Variants in ITGA9 observed in about 807,000 individuals in gnomAD.
ITGA9 encodes integrin subunit alpha 9.
Under a neutral mutation model 127.8 loss-of-function variants are expected in ITGA9, and 56 were observed. That is an observed-to-expected ratio of 0.44 (90% CI 0.35 to 0.55). The LOEUF is 0.55. Ranked by LOEUF, ITGA9 falls within the 20% of genes least tolerant of loss-of-function variation. The probability of loss-of-function intolerance (pLI) is 0.00; values close to 1 mark genes in which losing one functional copy is unlikely to be tolerated. For missense variants in ITGA9, 1,196 were observed against 1,347.1 expected (o/e 0.89, Z 1.76); for synonymous variants, 508 against 514.5 (o/e 0.99, Z 0.17).
At chr3:37,474,409 T>G (rs568280621) in intron 3 of ITGA9, among the ~76,000 whole-genome samples, 5 of 152,366 alleles carry the variant, frequency 3.3e-5, no homozygotes, top group African/African-American at 1.2e-4. Context: ...ACAGAAAGTT[T>G]TATTAGACTC....
At chr3:37,644,432 G>T (rs529539835) in intron 16 of ITGA9, among the ~76,000 whole-genome samples, 91 of 152,278 alleles carry the variant, frequency 6.0e-4, no homozygotes, top group Middle Eastern at 6.8e-3. Context: ...CAATGGAGGG[G>T]TGGGGAAGTT....
chr3:37,787,411 T>C (rs552875727), intron 26 of ITGA9, among the ~76,000 whole-genome samples: 2 of 152,264 alleles, frequency 1.3e-5, no homozygotes, highest in South Asian at 2.1e-4. Context: ...AAATACCACT[T>C]CCATTAATTA....
chr3:37,541,032 C>T (rs1327873061), intron 14 of ITGA9, among the ~76,000 whole-genome samples: 4 of 152,252 alleles, frequency 2.6e-5, no homozygotes, highest in East Asian at 1.9e-4. Flanking sequence ...ATCAAAAATA[C>T]GCCCTGTGGC....
chr3:37,729,557 T>C (rs1696260515), intron 18 of ITGA9, among the ~76,000 whole-genome samples: 1 of 152,204 alleles, frequency 6.6e-6, no homozygotes, highest in Admixed American at 6.5e-5. Context: ...TGAGCAGCTT[T>C]TGAATGATCA....
At chr3:37,492,957 G>T (rs1698687748) in intron 4 of ITGA9, among the ~76,000 whole-genome samples, 1 of 152,138 alleles carries the variant, frequency 6.6e-6, no homozygotes, top group Non-Finnish European at 1.5e-5. Flanking sequence ...TCATTGCTTT[G>T]CACTAGTCTC....
chr3:37,457,733 CG>C (rs1358381095), intron 1 of ITGA9, among the ~76,000 whole-genome samples: 13 of 152,214 alleles, frequency 8.5e-5, no homozygotes, highest in African/African-American at 3.1e-4. Context: ...AGCATCTTCT[CG>C]GGGTTTCTGG....
intron 15 of ITGA9, among the ~76,000 whole-genome samples, chr3:37,581,357 A>G (rs1158800446): frequency 6.6e-6 from 1 of 152,112 alleles, no homozygotes; most frequent in Non-Finnish European, 1.5e-5. Flanking sequence ...AGAACACTCA[A>G]ACATGGATCT....
intron 15 of ITGA9, among the ~76,000 whole-genome samples, chr3:37,567,097 C>T (rs1031795317): frequency 1.3e-5 from 2 of 152,156 alleles, no homozygotes; most frequent in African/African-American, 2.4e-5. Flanking sequence ...AAGACATACC[C>T]GAGATTGGGT....
chr3:37,532,062 TATTTCTAGTATCCTATAAGG>T (rs1699157844), intron 13 of ITGA9, among the ~76,000 whole-genome samples: 1 of 152,330 alleles, frequency 6.6e-6, no homozygotes, highest in South Asian at 2.1e-4. Flanking sequence ...CTTTCCGATT[TATTTCTAGTATCCTATAAGG>T]ATGAACCCAG....
intron 17 of ITGA9, among the ~76,000 whole-genome samples, chr3:37,675,734 TAAAAACTAC>T (rs1291997034): frequency 3.4e-5 from 5 of 148,804 alleles, no homozygotes; most frequent in African/African-American, 1.3e-4. Flanking sequence ...GATCAATTTT[TAAAAACTAC>T]TTTTTTTTTT....
At chr3:37,602,824 G>A (rs989398570) in intron 15 of ITGA9, among the ~76,000 whole-genome samples, 63 of 152,134 alleles carry the variant, frequency 4.1e-4, no homozygotes, top group Non-Finnish European at 6.6e-4. Context: ...TGCTAAGGAG[G>A]AAACTGAGGT....
chr3:37,750,396 G>A, intron 22 of ITGA9, 66 bp from the exon 23 acceptor site: 1 of 928,522 alleles, frequency 1.1e-6, no homozygotes, highest in South Asian at 1.3e-5. Context: ...AATATATATT[G>A]CATGACAGGA....
intron 18 of ITGA9, among the ~76,000 whole-genome samples, chr3:37,721,866 C>T (rs1559578501): frequency 6.6e-6 from 1 of 152,216 alleles, no homozygotes. Flanking sequence ...ACCTTTTCTG[C>T]TCATTGTTGC....
At position 37,821,387 on chromosome 3, in the gene ITGA9, A is replaced by T. The variant is rs1316619029; in HGVS notation, c.*2398A>T. On this transcript the variant is annotated 3_prime_UTR_variant, in exon 28 of 28. Transcript: ENST00000264741. The stretch of plus-strand genomic sequence containing the variant: ...GCAAGGTGCTGGAGGTTCCCCAGAG[A>T]ACACTTCAGGGACATTTTGCCTCAG... 2 of 152,122 alleles carry T rather than the reference A, an allele frequency of 1.3e-5. No individual in the cohort carries two copies. Among genetic ancestry groups the T allele is most frequent in the Non-Finnish European group, 2.9e-5 (2 of 68,024 alleles). 9.4% of individuals were successfully genotyped at this position (152,122 alleles called of 1,614,324 possible).
intron 20 of ITGA9, among the ~76,000 whole-genome samples, chr3:37,740,693 T>C (rs1696422520): frequency 6.6e-6 from 1 of 152,210 alleles, no homozygotes; most frequent in Non-Finnish European, 1.5e-5. Context: ...CTCTGAGGTC[T>C]CAGTGAGGCC....
At chr3:37,574,819 G>C (rs1317569662) in intron 15 of ITGA9, among the ~76,000 whole-genome samples, 1 of 152,150 alleles carries the variant, frequency 6.6e-6, no homozygotes, top group African/African-American at 2.4e-5. Flanking sequence ...GTGAAGGTCT[G>C]AGGTCACACT....
At chr3:37,522,338 A>G (rs1402619880) in intron 11 of ITGA9, among the ~76,000 whole-genome samples, 1 of 152,146 alleles carries the variant, frequency 6.6e-6, no homozygotes, top group Non-Finnish European at 1.5e-5. Context: ...CGCCACACGA[A>G]TGTTGATGCG....
intron 15 of ITGA9, among the ~76,000 whole-genome samples, chr3:37,566,033 G>A (rs1386405968): frequency 6.6e-6 from 1 of 152,178 alleles, no homozygotes; most frequent in Non-Finnish European, 1.5e-5. Context: ...CAGTGACCCT[G>A]GCTCCTATTG....
At chr3:37,513,509 A>G (rs1698954214) in intron 8 of ITGA9, among the ~76,000 whole-genome samples, 1 of 152,052 alleles carries the variant, frequency 6.6e-6, no homozygotes, top group Non-Finnish European at 1.5e-5. Flanking sequence ...ATATGTATAC[A>G]TGTGCCATAT....
Sources: gnomAD v4.1 joint callset for allele counts (sites outside exome capture counted in the v4.1 genomes callset) on GRCh38, gnomAD v4.1.1 for gene constraint, MANE v1.5 for transcripts, NCBI Gene and HGNC (gene_info 2026-07-23, HGNC 2026-07-21) for gene names.